TENM3: variants seen among roughly 807,000 people sequenced by gnomAD.
TENM3 encodes the protein teneurin transmembrane protein 3, also known as teneurin-3.
Under a neutral mutation model 255.1 loss-of-function variants are expected in TENM3, and 63 were observed. The observed-to-expected ratio is 0.25, with a 90% CI of 0.20 to 0.30. The LOEUF (loss-of-function observed/expected upper bound fraction) is 0.30, where lower values mean the gene tolerates loss of function less well. Ranked by LOEUF, TENM3 falls within the 10% of genes least tolerant of loss-of-function variation. The pLI is 1.00. For missense variants in TENM3, 2,929 were observed against 3,461.1 expected (o/e 0.85, Z 3.86); for synonymous variants, 1,306 against 1,322.3 (o/e 0.99, Z 0.27).
the TENM3 span, among the ~76,000 whole-genome samples, chr4:181,960,074 A>G: frequency 1.3e-5 from 2 of 152,240 alleles, no homozygotes; most frequent in Non-Finnish European, 2.9e-5. Context: ...CATTTGAAGC[A>G]AAGTGTATAT....
chr4:182,709,138 A>G (rs142943450), intron 12 of TENM3, among the ~76,000 whole-genome samples: 2,165 of 151,608 alleles, frequency 0.014, 50 homozygotes, highest in South Asian at 0.11. Context: ...ACGCACCACC[A>G]CACCCCGCTA....
At chr4:181,840,213 T>TTATATTA in the TENM3 span, among the ~76,000 whole-genome samples, 3 of 152,124 alleles carry the variant, frequency 2.0e-5, no homozygotes, top group South Asian at 6.2e-4. Flanking sequence ...TTTTCTTTAT[T>TTATATTA]ACACATTTAT....
At chr4:182,238,333 T>A (rs995820288) in intron 1 of TENM3, among the ~76,000 whole-genome samples, 1 of 152,218 alleles carries the variant, frequency 6.6e-6, no homozygotes, top group African/African-American at 2.4e-5. Flanking sequence ...AGCTCATTCC[T>A]TCCCCAAGGC....
chr4:182,026,843 A>G, the TENM3 span, among the ~76,000 whole-genome samples: 1 of 152,136 alleles, frequency 6.6e-6, no homozygotes, highest in Admixed American at 6.5e-5. Context: ...TGCCAGTACC[A>G]TGCTGTTTTG....
At chr4:181,892,801 A>G in the TENM3 span, among the ~76,000 whole-genome samples, 1 of 152,216 alleles carries the variant, frequency 6.6e-6, no homozygotes. Flanking sequence ...TGAATGACAC[A>G]TACAGGCTGA....
intron 3 of TENM3, among the ~76,000 whole-genome samples, chr4:182,508,628 T>C (rs542716172): frequency 2.1e-4 from 32 of 152,360 alleles, no homozygotes; most frequent in Admixed American, 2.1e-3. Context: ...TAGTATATTC[T>C]GATATAATGA....
chr4:181,792,144 GAT>G, the TENM3 span, among the ~76,000 whole-genome samples: 2 of 152,158 alleles, frequency 1.3e-5, no homozygotes, highest in Admixed American at 6.6e-5. Context: ...TATATTAAAT[GAT>G]ATTGTTGTAA....
chr4:181,910,652 G>GTA, the TENM3 span, among the ~76,000 whole-genome samples: 22 of 149,908 alleles, frequency 1.5e-4, no homozygotes, highest in South Asian at 2.1e-4. Context: ...GTGTGTGTGT[G>GTA]TGTATTTTAG....
At chr4:182,769,245 G>A (rs1358206599) in intron 22 of TENM3, among the ~76,000 whole-genome samples, 1 of 152,092 alleles carries the variant, frequency 6.6e-6, no homozygotes, top group African/African-American at 2.4e-5. Flanking sequence ...CTTTTGTGGA[G>A]GTAAAGAAGA....
chr4:181,629,150 G>T, the TENM3 span, among the ~76,000 whole-genome samples: 6 of 152,128 alleles, frequency 3.9e-5, no homozygotes, highest in Admixed American at 2.0e-4. Flanking sequence ...TGTTATTTGT[G>T]TATAGGAATG....
chr4:182,585,277 GTTTGGGACAGGGAGCTTAAACTGTCCCA>G (rs1745902247), intron 3 of TENM3, among the ~76,000 whole-genome samples: 1 of 152,156 alleles, frequency 6.6e-6, no homozygotes, highest in South Asian at 2.1e-4. Flanking sequence ...TAGTTACTAA[GTTTGGGACAGGGAGCTTAAACTGTCCCA>G]TTTGGGACAG....
At chr4:181,864,039 C>T in the TENM3 span, among the ~76,000 whole-genome samples, 3 of 152,112 alleles carry the variant, frequency 2.0e-5, no homozygotes, top group African/African-American at 7.2e-5. Flanking sequence ...AATCACAGGA[C>T]CACTGCAAGG....
intron 1 of TENM3, among the ~76,000 whole-genome samples, chr4:182,280,235 G>A (rs570013446): frequency 3.9e-5 from 6 of 152,264 alleles, no homozygotes; most frequent in East Asian, 3.9e-4. Context: ...TTTCCCCCAC[G>A]GGGTCTTGCT....
chr4:182,055,892 A>G, the TENM3 span, among the ~76,000 whole-genome samples: 1 of 152,176 alleles, frequency 6.6e-6, no homozygotes, highest in African/African-American at 2.4e-5. Flanking sequence ...AAGGGAAACA[A>G]TAATTATATA....
chr4:182,524,514 A>C (rs1738939436), intron 3 of TENM3, among the ~76,000 whole-genome samples: 1 of 151,708 alleles, frequency 6.6e-6, no homozygotes, highest in South Asian at 2.1e-4. Context: ...GTGCACCACC[A>C]TGCCTGGCTA....
the TENM3 span, among the ~76,000 whole-genome samples, chr4:181,669,991 G>A: frequency 2.0e-5 from 3 of 151,950 alleles, no homozygotes; most frequent in Non-Finnish European, 4.4e-5. Context: ...TCCGTTAAAG[G>A]GCAGTTTACA....
chr4:182,066,599 A>AAAAATAT, the TENM3 span, among the ~76,000 whole-genome samples: 1,224 of 137,072 alleles, frequency 8.9e-3, 12 homozygotes, highest in Middle Eastern at 0.03. Context: ...GTAAAAAAAA[A>AAAAATAT]ATATATATAT....
chr4:182,220,021 A>C (rs1281286589), intron 1 of TENM3, among the ~76,000 whole-genome samples: 3 of 152,168 alleles, frequency 2.0e-5, no homozygotes, highest in African/African-American at 7.2e-5. Context: ...AATGAAAAGA[A>C]GAACTCAAAA....
intron 1 of TENM3, among the ~76,000 whole-genome samples, chr4:182,246,611 G>A (rs1446664647): frequency 6.6e-6 from 1 of 152,168 alleles, no homozygotes; most frequent in Non-Finnish European, 1.5e-5. Flanking sequence ...TGTCTCGTCC[G>A]TATGTGACAA....
Sources: allele counts gnomAD v4.1 joint callset (sites outside exome capture counted in the v4.1 genomes callset), GRCh38; gene constraint gnomAD v4.1.1; transcripts MANE v1.5; gene names NCBI Gene and HGNC (gene_info 2026-07-23, HGNC 2026-07-21).